Variants in LAMA3 observed in about 807,000 individuals in gnomAD.
LAMA3 encodes the protein laminin subunit alpha-3.
In LAMA3, 281 loss-of-function variants were observed where a neutral mutation model predicts 402.0. The ratio of observed to expected loss-of-function variants is 0.70; its 90% CI spans 0.63 to 0.77. The LOEUF is 0.77. LAMA3 is among the 30% of genes least tolerant of loss of function. The pLI is 0.00. For missense variants in LAMA3, 3,840 were observed against 4,215.5 expected, an observed-to-expected ratio of 0.91 and a Z score of 2.47; for synonymous variants, 1,431 against 1,558.4, an observed-to-expected ratio of 0.92 and a Z score of 1.93.
At chr18:23,864,480 G>T (rs905097095) in intron 35 of LAMA3, among the ~76,000 whole-genome samples, 1 of 151,978 alleles carries the variant, frequency 6.6e-6, no homozygotes, top group Non-Finnish European at 1.5e-5. Flanking sequence ...CTTCTGCCTC[G>T]GCTTCCCAAA....
At chr18:23,708,745 TTTTTTTA>T (rs1287238461) in intron 1 of LAMA3, among the ~76,000 whole-genome samples, 1 of 151,988 alleles carries the variant, frequency 6.6e-6, no homozygotes, top group Non-Finnish European at 1.5e-5. Context: ...CTTTATTTTC[TTTTTTTA>T]TTTTTTATTT....
chr18:23,781,255 G>A, intron 11 of LAMA3: 1 of 455,594 alleles, frequency 2.2e-6, no homozygotes, highest in Non-Finnish European at 4.4e-6. Flanking sequence ...CTACAGGGCT[G>A]TGGCATTAGG....
intron 11 of LAMA3, among the ~76,000 whole-genome samples, chr18:23,781,843 G>A (rs1490591568): frequency 6.6e-6 from 1 of 152,154 alleles, no homozygotes; most frequent in Admixed American, 6.5e-5. Flanking sequence ...CTTCTAAAGT[G>A]CCTTTGCTGG....
chr18:23,836,176 T>C (rs1456811302), intron 24 of LAMA3, among the ~76,000 whole-genome samples: 1 of 152,034 alleles, frequency 6.6e-6, no homozygotes, highest in Non-Finnish European at 1.5e-5. Context: ...AACAACAGTT[T>C]ATTAAGTTTC....
intron 1 of LAMA3, among the ~76,000 whole-genome samples, chr18:23,701,806 C>G (rs1363552758): frequency 1.3e-5 from 2 of 152,202 alleles, no homozygotes; most frequent in African/African-American, 2.4e-5. Flanking sequence ...CGAAAAGAGA[C>G]TTCAGTCTGG....
At chr18:23,875,201 C>G (rs1381615488) in intron 38 of LAMA3, among the ~76,000 whole-genome samples, 1 of 151,954 alleles carries the variant, frequency 6.6e-6, no homozygotes, top group Non-Finnish European at 1.5e-5. Context: ...ATTTGCTCTG[C>G]CAAAATAAAG....
At chr18:23,869,271 G>A (rs1185219424) in intron 37 of LAMA3, among the ~76,000 whole-genome samples, 1 of 152,170 alleles carries the variant, frequency 6.6e-6, no homozygotes, top group African/African-American at 2.4e-5. Flanking sequence ...AGAAGAGGAG[G>A]GAATGATACT....
rs1426416633 is a variant in LAMA3 at position 23,895,058 on chromosome 18, G to T, written c.5613G>T (p.Arg1871Ser). The T allele has an allele frequency of 6.3e-7, 1 of 1,596,734 alleles. No individual in the cohort carries two copies. The change falls in exon 44 of 75, where the codon AGG becomes AGT. Residue 1871 changes from arginine to serine, a missense_variant and splice_region_variant. Coordinates refer to ENST00000313654, the MANE Select transcript of LAMA3 (RefSeq NM_198129.4). ...TGGAGACCCAGGCCAAGGACCTGAGGGTAAATCCCCTGCGGCCGAGAGTAG... is the reference window on the plus strand; with the variant it reads ...TGGAGACCCAGGCCAAGGACCTGAGTGTAAATCCCCTGCGGCCGAGAGTAG... ...RHMETQAKDL[R>S]NQLLNYRSAI... is the part of the protein sequence containing the mutation.
At chr18:23,856,216 TATAAGCAGATATTTGCCAAAGGGAA>T (rs1483191084) in intron 32 of LAMA3, among the ~76,000 whole-genome samples, 4 of 152,192 alleles carry the variant, frequency 2.6e-5, no homozygotes, top group Admixed American at 6.5e-5. Context: ...CAAAATCCTT[TATAAGCAGATATTTGCCAAAGGGAA>T]ATAAGCAGAT....
intron 1 of LAMA3, among the ~76,000 whole-genome samples, chr18:23,694,604 A>G (rs1432356354): frequency 6.6e-6 from 1 of 152,232 alleles, no homozygotes; most frequent in African/African-American, 2.4e-5. Flanking sequence ...CCAAGATCAC[A>G]CACTTAGTAT....
At chr18:23,940,858 C>T (rs116666048) in intron 68 of LAMA3, among the ~76,000 whole-genome samples, 4,555 of 152,074 alleles carry the variant, frequency 0.03, 238 homozygotes, top group African/African-American at 0.1. Context: ...CCTGGCTACT[C>T]CTTGGTAGGG....
At chr18:23,696,524 G>A (rs190336563) in intron 1 of LAMA3, among the ~76,000 whole-genome samples, 313 of 151,542 alleles carry the variant, frequency 2.1e-3, no homozygotes, top group African/African-American at 7.1e-3. Flanking sequence ...TTTTTGAGAC[G>A]GAGTTTTGCT....
intron 50 of LAMA3, 100 bp from the exon 51 acceptor site, chr18:23,904,453 A>T: frequency 8.8e-6 from 11 of 1,256,698 alleles, no homozygotes; most frequent in Non-Finnish European, 1.2e-5. Flanking sequence ...AAAAAAAAAA[A>T]GAAAGAAAAA....
intron 18 of LAMA3, 47 bp from the exon 19 acceptor site, chr18:23,819,794 T>C: frequency 6.5e-7 from 1 of 1,529,988 alleles, no homozygotes; most frequent in Non-Finnish European, 9.1e-7. Flanking sequence ...GTTCAGATGA[T>C]CTATGGACCT....
At chr18:23,875,545 C>T (rs1023897523) in intron 38 of LAMA3, among the ~76,000 whole-genome samples, 32 of 152,194 alleles carry the variant, frequency 2.1e-4, no homozygotes, top group African/African-American at 5.5e-4. Flanking sequence ...ACCTCATGCA[C>T]GCTCCCCTCC....
intron 48 of LAMA3, 75 bp from the exon 49 acceptor site, chr18:23,902,934 A>G: frequency 1.2e-6 from 1 of 834,808 alleles, no homozygotes; most frequent in Non-Finnish European, 2.1e-6. Context: ...CGTATATGCT[A>G]TTGTCCCATA....
At chr18:23,885,828 G>A (rs560772626) in intron 41 of LAMA3, among the ~76,000 whole-genome samples, 223 of 152,128 alleles carry the variant, frequency 1.5e-3, no homozygotes, top group African/African-American at 5.1e-3. Flanking sequence ...GCACTCAAAC[G>A]CTTTCACATA....
At chr18:23,775,596 T>G (rs1215115743) in intron 9 of LAMA3, among the ~76,000 whole-genome samples, 196 bp from the exon 10 acceptor site, 1 of 151,964 alleles carries the variant, frequency 6.6e-6, no homozygotes, top group East Asian at 1.9e-4. Flanking sequence ...TCATTACAGC[T>G]GATCTCTGAC....
chr18:23,897,531 A>G (rs954063255), intron 44 of LAMA3, among the ~76,000 whole-genome samples: 8 of 152,080 alleles, frequency 5.3e-5, no homozygotes, highest in African/African-American at 1.2e-4. Flanking sequence ...AAGTCTCACA[A>G]CCTCCTCATG....
Sources: gnomAD v4.1 joint callset for allele counts (sites outside exome capture counted in the v4.1 genomes callset) on GRCh38, gnomAD v4.1.1 for gene constraint, MANE v1.5 for transcripts, NCBI Gene and HGNC (gene_info 2026-07-23, HGNC 2026-07-21) for gene names.